Variants in KIF21A observed in about 807,000 individuals in gnomAD.
KIF21A encodes the protein kinesin-like protein KIF21A.
Under a neutral mutation model 202.9 loss-of-function variants are expected in KIF21A, and 114 were observed. The ratio of observed to expected loss-of-function variants is 0.56; its 90% confidence interval spans 0.48 to 0.66. The LOEUF (loss-of-function observed/expected upper bound fraction) is 0.66. KIF21A is among the 30% of genes least tolerant of loss of function. The probability of loss-of-function intolerance (pLI) is 0.00; values close to 1 mark genes in which losing one functional copy is unlikely to be tolerated. For synonymous variants in KIF21A, 667 were observed against 670.8 expected, an observed-to-expected ratio of 0.99 and a Z score of 0.09; for missense variants, 1,677 against 1,994.9, an observed-to-expected ratio of 0.84 and a Z score of 3.04.
chr12:39,315,135 G>A, intron 31 of KIF21A, 94 bp downstream of exon 31: 2 of 1,212,954 alleles, frequency 1.6e-6, no homozygotes, highest in Non-Finnish European at 2.4e-6. Context: ...CTGAAGGAGA[G>A]AAAAAAATAA....
At chr12:39,366,910 G>T in intron 5 of KIF21A, 120 bp downstream of exon 5, 1 of 996,338 alleles carries the variant, frequency 1.0e-6, no homozygotes, top group Non-Finnish European at 1.6e-6. Flanking sequence ...ATCAGAAAAG[G>T]AAATTAGAAA....
intron 19 of KIF21A, 50 bp from the exon 20 acceptor site, chr12:39,332,794 T>C (rs1393694098): frequency 1.2e-6 from 2 of 1,600,228 alleles, no homozygotes; most frequent in South Asian, 1.1e-5. Flanking sequence ...ACTTATTTGA[T>C]TGTGCACTGC....
chr12:39,319,274 G>A (rs539748151), intron 28 of KIF21A, among the ~76,000 whole-genome samples: 14 of 152,236 alleles, frequency 9.2e-5, no homozygotes, highest in South Asian at 4.1e-4. Context: ...GGGGTGGCAG[G>A]GTAACAGTGG....
At chr12:39,431,564 G>A (rs1942110584) in intron 1 of KIF21A, among the ~76,000 whole-genome samples, 1 of 152,172 alleles carries the variant, frequency 6.6e-6, no homozygotes, top group African/African-American at 2.4e-5. Context: ...TGGCTTTATT[G>A]AGGACTGACC....
At chr12:39,330,403 T>G (rs1946410669) in intron 23 of KIF21A, 141 bp from the exon 24 acceptor site, 2 of 770,922 alleles carry the variant, frequency 2.6e-6, no homozygotes. Context: ...ATAAGTTTAT[T>G]TTTAAGGCAG....
At chr12:39,345,634 T>A (rs934593764) in intron 12 of KIF21A, among the ~76,000 whole-genome samples, 1 of 151,902 alleles carries the variant, frequency 6.6e-6, no homozygotes, top group East Asian at 1.9e-4. Context: ...ATGTCTAAAG[T>A]AGGGCTTCCA....
chr12:39,351,026 T>C (rs1948328596), intron 11 of KIF21A, among the ~76,000 whole-genome samples: 1 of 152,072 alleles, frequency 6.6e-6, no homozygotes, highest in Admixed American at 6.6e-5. Flanking sequence ...GCTCAAAATA[T>C]AGTCTCTGTA....
intron 16 of KIF21A, among the ~76,000 whole-genome samples, chr12:39,338,215 T>C (rs1947146656): frequency 6.6e-6 from 1 of 152,168 alleles, no homozygotes; most frequent in Non-Finnish European, 1.5e-5. Context: ...ATTGTGCATG[T>C]TTGTGTTTTA....
chr12:39,367,192 T>G, intron 4 of KIF21A, 28 bp from the exon 5 acceptor site: 1 of 1,613,110 alleles, frequency 6.2e-7, no homozygotes, highest in Non-Finnish European at 8.5e-7. Flanking sequence ...ACAAGGACTT[T>G]ACTTGAACAA....
chr12:39,334,892 C>A (rs913339199), intron 17 of KIF21A, among the ~76,000 whole-genome samples: 6 of 152,056 alleles, frequency 3.9e-5, no homozygotes, highest in African/African-American at 1.2e-4. Context: ...TCTCCCTTAT[C>A]TTATATGAAT....
chr12:39,328,679 A>G (rs1412443314), intron 24 of KIF21A, among the ~76,000 whole-genome samples: 2 of 152,144 alleles, frequency 1.3e-5, no homozygotes, highest in African/African-American at 4.8e-5. Context: ...CATGTCATGA[A>G]CTTGCTGCTC....
At chr12:39,353,967 C>T (rs1948591004) in intron 10 of KIF21A, among the ~76,000 whole-genome samples, 1 of 152,058 alleles carries the variant, frequency 6.6e-6, no homozygotes, top group African/African-American at 2.4e-5. Context: ...GTACAAACTT[C>T]TTTGGGAAGG....
intron 28 of KIF21A, 27 bp from the exon 29 acceptor site, chr12:39,318,228 G>A: frequency 2.5e-6 from 4 of 1,609,366 alleles, no homozygotes; most frequent in Non-Finnish European, 3.4e-6. Context: ...ACATTAAGTA[G>A]GTGGCTTTAA....
At chr12:39,357,873 C>A (rs549457058) in intron 8 of KIF21A, among the ~76,000 whole-genome samples, 1 of 122,398 alleles carries the variant, frequency 8.2e-6, no homozygotes, top group East Asian at 2.4e-4. Flanking sequence ...CACGCCACTG[C>A]ACTCCAGCGT....
intron 1 of KIF21A, among the ~76,000 whole-genome samples, chr12:39,372,206 T>C (rs371937374): frequency 6.6e-6 from 1 of 152,138 alleles, no homozygotes; most frequent in South Asian, 2.1e-4. Context: ...AAGGATTGAG[T>C]TTCTGCAAAC....
chr12:39,441,671 A>AC (rs1939634832), intron 1 of KIF21A, among the ~76,000 whole-genome samples: 1 of 140,444 alleles, frequency 7.1e-6, no homozygotes, highest in East Asian at 2.3e-4. Context: ...AAAAAAAAAA[A>AC]AAAAAAAAAC....
chr12:39,358,604 A>C (rs1172512679), intron 7 of KIF21A, among the ~76,000 whole-genome samples: 1 of 152,204 alleles, frequency 6.6e-6, no homozygotes, highest in Non-Finnish European at 1.5e-5. Context: ...ATAAGCACAT[A>C]CATTTATTTC....
chr12:39,347,304 A>T (rs535681018), intron 11 of KIF21A, among the ~76,000 whole-genome samples: 2 of 151,846 alleles, frequency 1.3e-5, no homozygotes, highest in African/African-American at 4.8e-5. Flanking sequence ...TAAGAAACAT[A>T]TAAGAAATAT....
At chr12:39,432,169 G>A (rs1462727452) in intron 1 of KIF21A, among the ~76,000 whole-genome samples, 1 of 152,214 alleles carries the variant, frequency 6.6e-6, no homozygotes, top group East Asian at 1.9e-4. Flanking sequence ...TTATGGTCTT[G>A]TGTTTGATTT....
Sources: gnomAD v4.1 joint callset for allele counts (sites outside exome capture counted in the v4.1 genomes callset) on GRCh38, gnomAD v4.1.1 for gene constraint, MANE v1.5 for transcripts, NCBI Gene and HGNC (gene_info 2026-07-23, HGNC 2026-07-21) for gene names.